The following MAST4 variants were observed in gnomAD, a reference collection of about 807,000 sequenced individuals.
The protein encoded by MAST4 is microtubule-associated serine/threonine-protein kinase 4.
A neutral mutation model predicts 162.7 loss-of-function variants in MAST4; 89 were observed. That is an observed-to-expected ratio of 0.55 (90% CI 0.46 to 0.65). MAST4 has a LOEUF of 0.65. MAST4 is among the 30% of genes least tolerant of loss of function. The pLI is 0.00. For synonymous variants in MAST4, 1,479 were observed against 1,361.1 expected (o/e 1.09, Z -1.91); for missense variants, 3,153 against 3,374.0 (o/e 0.93, Z 1.62).
intron 1 of MAST4, among the ~76,000 whole-genome samples, chr5:66,718,451 G>A (rs1580282023): frequency 6.6e-6 from 1 of 152,196 alleles, no homozygotes; most frequent in Admixed American, 6.5e-5. Context: ...AGGTGCCCAG[G>A]AGAGGCTGAT....
intron 3 of MAST4, among the ~76,000 whole-genome samples, chr5:66,872,156 TTTG>T (rs1198564799): frequency 1.4e-4 from 7 of 49,334 alleles, no homozygotes; most frequent in Non-Finnish European, 6.8e-4. Flanking sequence ...AAATTTTTTG[TTTG>T]TTTGTTTGTT....
intron 1 of MAST4, among the ~76,000 whole-genome samples, chr5:66,678,470 A>G (rs566050383): frequency 6.6e-6 from 1 of 151,960 alleles, no homozygotes; most frequent in Non-Finnish European, 1.5e-5. Context: ...TGAGTTAAGC[A>G]TTTCATAAGG....
chr5:66,943,746 G>A (rs1027308763), intron 4 of MAST4, among the ~76,000 whole-genome samples: 6 of 151,928 alleles, frequency 3.9e-5, no homozygotes, highest in South Asian at 2.1e-4. Context: ...TGTGTTCAGC[G>A]AAAAAAAGTG....
At chr5:67,045,795 G>T (rs1757300394) in intron 4 of MAST4, among the ~76,000 whole-genome samples, 1 of 152,154 alleles carries the variant, frequency 6.6e-6, no homozygotes, top group Non-Finnish European at 1.5e-5. Context: ...TGTTTACCAA[G>T]AATTTATGTT....
chr5:66,919,058 A>T (rs1206564909), intron 4 of MAST4, among the ~76,000 whole-genome samples: 4 of 150,488 alleles, frequency 2.7e-5, no homozygotes, highest in Admixed American at 1.3e-4. Context: ...AGCCAAGATC[A>T]CACCACTGCA....
At chr5:66,948,115 G>T (rs1220885688) in intron 4 of MAST4, among the ~76,000 whole-genome samples, 1 of 152,142 alleles carries the variant, frequency 6.6e-6, no homozygotes, top group Non-Finnish European at 1.5e-5. Context: ...AAGGAGGCTG[G>T]CAGCTTAAAG....
At chr5:66,763,365 G>A (rs1329906927) in intron 2 of MAST4, among the ~76,000 whole-genome samples, 2 of 152,134 alleles carry the variant, frequency 1.3e-5, no homozygotes, top group African/African-American at 4.8e-5. Flanking sequence ...TAGGCAATTA[G>A]TACATATTTA....
intron 5 of MAST4, among the ~76,000 whole-genome samples, chr5:67,070,596 T>C (rs893339568): frequency 6.6e-6 from 1 of 152,226 alleles, no homozygotes; most frequent in Non-Finnish European, 1.5e-5. Context: ...TTCTGCTTTT[T>C]ATTAAAATAC....
At position 67,167,068 on chromosome 5, in the gene MAST4, G is replaced by T. The variant is rs1367244965; in HGVS notation, c.*17G>T. The T allele has an allele frequency of 6.4e-6, 10 of 1,557,836 alleles. No homozygotes were observed. The highest frequency in any genetic ancestry group is 8.7e-6 in the Non-Finnish European group (10 of 1,151,790). On this transcript the variant is annotated 3_prime_UTR_variant, in exon 29 of 29. Transcript: ENST00000403625. ...GCCTTGTAACGGGGAGGGCCCAGGG[G>T]CAGGACTGTGGAGACCCGTCCTGAA...
intron 4 of MAST4, among the ~76,000 whole-genome samples, chr5:66,917,588 CTCTT>C (rs981947068): frequency 2.4e-4 from 24 of 99,462 alleles, no homozygotes; most frequent in African/African-American, 3.2e-4. Flanking sequence ...AGGTAGGATT[CTCTT>C]TCTTTTTTTT....
chr5:66,768,192 G>T (rs1166161188), intron 2 of MAST4, among the ~76,000 whole-genome samples: 4 of 152,210 alleles, frequency 2.6e-5, no homozygotes, highest in Non-Finnish European at 4.4e-5. Context: ...GAGCTGGAAG[G>T]GTATGAAGGG....
Position 67,163,424 on chromosome 5 carries a change from C to T in MAST4, c.4245C>T (p.Ser1415=). The T allele has an allele frequency of 6.2e-7, 1 of 1,613,174 alleles. No individual in the cohort carries two copies. The highest frequency in any genetic ancestry group is 8.5e-7 in the Non-Finnish European group (1 of 1,179,900). ...CCAAGATCGCGCAAGCCTTTCCCAG[C>T]AAGATGCACTCCCCGCCCACCATCG... ...GNSKIAQAFP[S]KMHSPPTIVR... Residue 1415 remains serine (S), a synonymous_variant, in exon 29 of 29, where the codon AGC becomes AGT. Transcript: ENST00000403625. The surrounding 1 kb of genome is among the most constrained non-coding windows in gnomAD (Gnocchi z 7.0).
chr5:66,779,468 G>T (rs372330700), intron 2 of MAST4, among the ~76,000 whole-genome samples: 33 of 149,680 alleles, frequency 2.2e-4, no homozygotes, highest in African/African-American at 7.9e-4. Flanking sequence ...TGCACTTTCT[G>T]GTCACAGGTC....
Position 67,150,479 on chromosome 5 carries a change from G to A in MAST4, c.3295+890G>A, listed in dbSNP as rs544601199. Among the ~76,000 whole-genome samples the A allele has an allele frequency of 3.0e-4, 46 of 152,282 alleles. No homozygotes were observed. The South Asian group carries it at 9.1e-3, about 30-fold the overall frequency. On this transcript the variant is annotated intron_variant, in intron 24 of 28. Transcript: ENST00000403625. ...CTCAATCTAGCAGATTCAGTTTCTG[G>A]GAGGTGTCCTGTTTAGCACCATAAA...
At chr5:66,673,782 C>G (rs1747779458) in intron 1 of MAST4, among the ~76,000 whole-genome samples, 2 of 152,160 alleles carry the variant, frequency 1.3e-5, no homozygotes, top group African/African-American at 4.8e-5. Context: ...GCCACTGCAC[C>G]TTGCCTAGGC....
intron 1 of MAST4, among the ~76,000 whole-genome samples, chr5:66,706,796 G>C (rs1750160094): frequency 6.6e-6 from 1 of 152,136 alleles, no homozygotes; most frequent in Admixed American, 6.5e-5. Context: ...ATACATAACT[G>C]TTGCAGAATT....
At chr5:66,813,572 C>T (rs1281659743) in intron 3 of MAST4, among the ~76,000 whole-genome samples, 2 of 152,242 alleles carry the variant, frequency 1.3e-5, no homozygotes, top group Admixed American at 1.3e-4. Context: ...CCTCCAGGTG[C>T]AGCTTCTGAA....
intron 3 of MAST4, among the ~76,000 whole-genome samples, chr5:66,801,605 G>A (rs1253211241): frequency 6.6e-6 from 1 of 152,166 alleles, no homozygotes; most frequent in Non-Finnish European, 1.5e-5. Context: ...AAATCATCTG[G>A]AATAGAGCTT....
At chr5:67,152,542 GC>G in intron 24 of MAST4, 94 bp from the exon 25 acceptor site, 1 of 885,558 alleles carries the variant, frequency 1.1e-6, no homozygotes. Context: ...TTGTGACTAT[GC>G]CCCCAGTCCT....
Sources: gnomAD v4.1 joint callset for allele counts (sites outside exome capture counted in the v4.1 genomes callset) on GRCh38, gnomAD v4.1.1 for gene constraint, Gnocchi (gnomAD v3.1) non-coding constraint, MANE v1.5 for transcripts, NCBI Gene and HGNC (gene_info 2026-07-23, HGNC 2026-07-21) for gene names.